The following MACROD2 variants were observed in gnomAD, a reference collection of about 807,000 sequenced individuals.
The protein encoded by MACROD2 is ADP-ribose glycohydrolase MACROD2.
In MACROD2, 36 loss-of-function variants were observed where a neutral mutation model predicts 70.4. The observed-to-expected ratio is 0.51, with a 90% CI of 0.39 to 0.68. The LOEUF (loss-of-function observed/expected upper bound fraction) is 0.68, where lower values mean the gene tolerates loss of function less well. Among genes scored for constraint, MACROD2 ranks in the 30% least tolerant of loss-of-function variants. The pLI is 0.00. For synonymous variants in MACROD2, 172 were observed against 178.8 expected, an observed-to-expected ratio of 0.96 and a Z score of 0.30; for missense variants, 496 against 538.4, an observed-to-expected ratio of 0.92 and a Z score of 0.78.
intron 13 of MACROD2, among the ~76,000 whole-genome samples, chr20:15,968,406 A>C (rs1293677478): frequency 2.0e-5 from 3 of 152,128 alleles, no homozygotes; most frequent in African/African-American, 7.2e-5. Flanking sequence ...TTAAGAAAAC[A>C]TGCCACCCAG....
At chr20:15,507,739 C>T (rs1247607217) in intron 8 of MACROD2, among the ~76,000 whole-genome samples, 3 of 152,104 alleles carry the variant, frequency 2.0e-5, no homozygotes, top group East Asian at 1.9e-4. Flanking sequence ...ACAGATCCAC[C>T]GACACTTCCA....
intron 3 of MACROD2, among the ~76,000 whole-genome samples, chr20:14,276,081 G>T (rs200564804): frequency 0.059 from 8,890 of 151,952 alleles, 391 homozygotes; most frequent in African/African-American, 0.12. Flanking sequence ...ATTCCTCAGG[G>T]ATCTAGAACT....
intron 5 of MACROD2, among the ~76,000 whole-genome samples, chr20:15,020,997 TATGC>T (rs1400463046): frequency 1.3e-5 from 2 of 148,376 alleles, no homozygotes; most frequent in Admixed American, 6.7e-5. Flanking sequence ...TGTATATGTA[TATGC>T]ATACACATGT....
At chr20:15,208,993 G>A (rs1467155527) in intron 5 of MACROD2, among the ~76,000 whole-genome samples, 1 of 152,168 alleles carries the variant, frequency 6.6e-6, no homozygotes, top group Non-Finnish European at 1.5e-5. Context: ...GACCTTTGAT[G>A]ACAGGGGAAG....
chr20:15,624,209 T>G (rs1362083903), intron 8 of MACROD2, among the ~76,000 whole-genome samples: 1 of 152,082 alleles, frequency 6.6e-6, no homozygotes, highest in East Asian at 1.9e-4. Flanking sequence ...GAAAGGTGAG[T>G]GCCAGAAGAC....
intron 4 of MACROD2, among the ~76,000 whole-genome samples, chr20:14,497,026 T>C (rs1275867863): frequency 6.6e-6 from 1 of 151,760 alleles, no homozygotes; most frequent in East Asian, 1.9e-4. Context: ...CCAGGGCTCC[T>C]TGCCCTGGCA....
chr20:15,515,629 C>T (rs2047556834), intron 8 of MACROD2, among the ~76,000 whole-genome samples: 1 of 152,202 alleles, frequency 6.6e-6, no homozygotes, highest in Admixed American at 6.5e-5. Context: ...GAGCCTGGCA[C>T]ATAAAAAGCT....
At position 14,027,591 on chromosome 20, in the gene MACROD2, C is replaced by T. The variant is rs1009467951; in HGVS notation, c.163+25187C>T. 4.0e-5 allele frequency among the ~76,000 whole-genome samples: 6 copies of T among 151,762 alleles called. No homozygotes were observed. In the East Asian group the frequency reaches 5.8e-4, roughly 15 times the overall value. ...TTTTGCATTGGTTTTTCCTCATCTT[C>T]GTGATGTGGACGTCCTTTTTGTTGA... On this transcript the variant is annotated intron_variant, in intron 2 of 17. Transcript: ENST00000684519.
intron 5 of MACROD2, among the ~76,000 whole-genome samples, chr20:15,213,332 T>A (rs541926566): frequency 2.0e-5 from 3 of 152,276 alleles, no homozygotes; most frequent in African/African-American, 7.2e-5. Flanking sequence ...TAAAGGGATC[T>A]GTTATATTTT....
rs189065347 is a variant in MACROD2, at chr20:14,876,439, C to T, written c.418+191480C>T. On this transcript the variant is annotated intron_variant, in intron 5 of 17. Coordinates refer to ENST00000684519, the MANE Select transcript of MACROD2 (RefSeq NM_001351661.2). The stretch of plus-strand genomic sequence containing the variant: ...GGTTGTCTGTTTACTCTGTTGATAG[C>T]CTCTTTTGTTGTGCAGAGGTCTTTA... Among the ~76,000 whole-genome samples, 513 of 152,086 alleles carry T rather than the reference C, an allele frequency of 3.4e-3. 3 individuals carry two copies. Among genetic ancestry groups the T allele is most frequent in the African/African-American group, 0.012 (481 of 41,512 alleles).
Position 15,360,866 on chromosome 20 carries a change from G to A in MACROD2, c.541-70539G>A, listed in dbSNP as rs555752142. 6.0e-4 allele frequency among the ~76,000 whole-genome samples: 91 copies of A among 151,686 alleles called. 1 individual carries two copies. Among genetic ancestry groups the A allele is most frequent in the East Asian group, 3.9e-4 (2 of 5,174 alleles). ...ACCATCCAAATATACTCTTCAGTGAGATATCTCTTTATGTCCTTTGCCCAT... is the reference window on the plus strand; with the variant it reads ...ACCATCCAAATATACTCTTCAGTGAAATATCTCTTTATGTCCTTTGCCCAT... On this transcript the variant is annotated intron_variant, in intron 6 of 17. Transcript: ENST00000684519.
intron 6 of MACROD2, among the ~76,000 whole-genome samples, chr20:15,356,471 A>G (rs1438248322): frequency 6.6e-6 from 1 of 152,300 alleles, no homozygotes; most frequent in East Asian, 1.9e-4. Context: ...AATACCAGGC[A>G]TATTAACAAT....
intron 8 of MACROD2, among the ~76,000 whole-genome samples, chr20:15,500,489 G>A (rs1021005012): frequency 2.0e-5 from 3 of 152,136 alleles, no homozygotes; most frequent in Admixed American, 6.5e-5. Context: ...ACCGTGGAGC[G>A]TTAAATTTCA....
At chr20:14,219,225 A>G (rs1423834491) in intron 3 of MACROD2, among the ~76,000 whole-genome samples, 1 of 152,020 alleles carries the variant, frequency 6.6e-6, no homozygotes, top group African/African-American at 2.4e-5. Context: ...GGCTTTGTTC[A>G]TATTTTATTA....
At chr20:14,137,779 A>T (rs2054819023) in intron 3 of MACROD2, among the ~76,000 whole-genome samples, 2 of 152,222 alleles carry the variant, frequency 1.3e-5, no homozygotes, top group Non-Finnish European at 2.9e-5. Flanking sequence ...AGAATAAACA[A>T]GTGGGACTAC....
At chr20:15,952,629 C>T (rs1348935579) in intron 12 of MACROD2, among the ~76,000 whole-genome samples, 1 of 152,166 alleles carries the variant, frequency 6.6e-6, no homozygotes, top group Non-Finnish European at 1.5e-5. Context: ...TCTCCCTCTT[C>T]TCCACAGTAT....
At chr20:14,175,685 A>C (rs760590538) in intron 3 of MACROD2, among the ~76,000 whole-genome samples, 20 of 152,268 alleles carry the variant, frequency 1.3e-4, no homozygotes, top group Non-Finnish European at 2.8e-4. Context: ...CAGATGAGAT[A>C]ATCTCTGGCA....
intron 5 of MACROD2, among the ~76,000 whole-genome samples, chr20:15,132,158 A>C (rs1419445668): frequency 6.6e-6 from 1 of 152,086 alleles, no homozygotes; most frequent in East Asian, 1.9e-4. Context: ...GTTGCAATTC[A>C]CAATGTGACT....
At chr20:15,085,873 AACACACACACACACACACAC>A (rs3070249) in intron 5 of MACROD2, among the ~76,000 whole-genome samples, 2 of 144,386 alleles carry the variant, frequency 1.4e-5, no homozygotes, top group Middle Eastern at 3.5e-3. Context: ...ACACACACAC[AACACACACACACACACACAC>A]ACACACACAC....
Sources: allele counts gnomAD v4.1 joint callset (sites outside exome capture counted in the v4.1 genomes callset), GRCh38; gene constraint gnomAD v4.1.1; transcripts MANE v1.5; gene names NCBI Gene and HGNC (gene_info 2026-07-23, HGNC 2026-07-21).